Variants in USP20 observed in about 807,000 individuals in gnomAD.
USP20 encodes the protein ubiquitin carboxyl-terminal hydrolase 20.
In USP20, 80 loss-of-function variants were observed where a neutral mutation model predicts 124.2. The observed-to-expected ratio is 0.64, with a 90% CI of 0.54 to 0.78. The LOEUF is 0.78. USP20 is among the 30% of genes least tolerant of loss of function. USP20 has a pLI of 0.00. For missense variants in USP20, 1,043 were observed against 1,244.4 expected, an observed-to-expected ratio of 0.84 and a Z score of 2.44; for synonymous variants, 481 against 512.3, an observed-to-expected ratio of 0.94 and a Z score of 0.83.
At chr9:129,863,068 G>T in intron 8 of USP20, 118 bp from the exon 9 acceptor site, 1 of 647,968 alleles carries the variant, frequency 1.5e-6, no homozygotes, top group Non-Finnish European at 2.4e-6. Context: ...GAGTTTCTGG[G>T]TCCAGGGCCA....
chr9:129,856,422 C>A, intron 4 of USP20, 62 bp downstream of exon 4: 1 of 1,558,538 alleles, frequency 6.4e-7, no homozygotes, highest in Non-Finnish European at 8.9e-7. Context: ...CAGCACTGCA[C>A]AGGCTGGTGC....
intron 22 of USP20, among the ~76,000 whole-genome samples, chr9:129,877,111 C>T (rs887160331): frequency 2.6e-5 from 4 of 152,174 alleles, no homozygotes; most frequent in African/African-American, 9.7e-5. Context: ...GGCGAGGCTC[C>T]TGGCGCACTC....
rs745567691 is a variant in USP20, at chr9:129,879,557, G to A, written c.2513-16G>A. 1.7e-5 allele frequency: 27 copies of A among 1,612,632 alleles called. No homozygotes were observed. The highest frequency in any genetic ancestry group is 2.1e-5 in the Non-Finnish European group (25 of 1,179,592). ...CATGGCAGGGGCTGAACCCGAGCCC[G>A]CTGTGTCTGTTGCAGAGCCCCCCGG... On this transcript the variant is annotated splice_polypyrimidine_tract_variant and intron_variant, in intron 23 of 25. Transcript: ENST00000372429. The surrounding 1 kb of genome is among the most constrained non-coding windows in gnomAD (Gnocchi z 4.2).
At chr9:129,853,005 T>G (rs190688422) in intron 3 of USP20, among the ~76,000 whole-genome samples, 30 of 152,224 alleles carry the variant, frequency 2.0e-4, no homozygotes, top group Admixed American at 1.6e-3. Flanking sequence ...GGGCCTCTTC[T>G]CAGAGTAGGA....
At chr9:129,872,852 A>T (rs1399420695) in intron 15 of USP20, among the ~76,000 whole-genome samples, 1 of 152,024 alleles carries the variant, frequency 6.6e-6, no homozygotes, top group African/African-American at 2.4e-5. Flanking sequence ...ATCTCAAAAA[A>T]ATTGTTTCAA....
Position 129,839,066 on chromosome 9 carries a change from A to G in USP20, c.-129+3567A>G, listed in dbSNP as rs952746704. Among the ~76,000 whole-genome samples the G allele has an allele frequency of 1.3e-5, 2 of 152,158 alleles. No homozygotes were observed. Among genetic ancestry groups the G allele is most frequent in the Non-Finnish European group, 2.9e-5 (2 of 68,022 alleles). On this transcript the variant is annotated intron_variant, in intron 1 of 25. Coordinates refer to ENST00000372429, the MANE Select transcript of USP20 (RefSeq NM_001110303.4). The surrounding 1 kb of genome is among the most constrained non-coding windows in gnomAD (Gnocchi z 4.5). ...ATTTGGGGAGGTGAAGGTCGTCCCC[A>G]TGCCAGGCTGGCCGGGGCTGTTTGT...
intron 6 of USP20, among the ~76,000 whole-genome samples, chr9:129,860,450 ATT>A (rs33987015): frequency 1.3e-5 from 2 of 151,868 alleles, no homozygotes; most frequent in South Asian, 2.1e-4. Context: ...TAAATAAAAT[ATT>A]TTTTTTATTG....
chr9:129,864,556 G>A (rs1285633904), intron 9 of USP20, among the ~76,000 whole-genome samples: 1 of 151,148 alleles, frequency 6.6e-6, no homozygotes, highest in Admixed American at 6.6e-5. Context: ...CGGGTGGATC[G>A]CAAGGTCAGG....
intron 3 of USP20, 100 bp from the exon 4 acceptor site, chr9:129,856,207 G>A: frequency 8.2e-7 from 1 of 1,213,944 alleles, no homozygotes; most frequent in South Asian, 1.2e-5. Flanking sequence ...CTGAGTGCAT[G>A]TCAGCCAGGT....
intron 8 of USP20, among the ~76,000 whole-genome samples, chr9:129,862,442 A>G (rs546330346): frequency 1.3e-5 from 2 of 151,970 alleles, no homozygotes; most frequent in East Asian, 3.9e-4. Flanking sequence ...AGTCCCAGCT[A>G]CTGGGGAGGC....
chr9:129,874,160 G>C (rs964078708), intron 17 of USP20, among the ~76,000 whole-genome samples: 1 of 152,100 alleles, frequency 6.6e-6, no homozygotes, highest in Non-Finnish European at 1.5e-5. Context: ...GCTGGTGTCA[G>C]CGTCGTGGAT....
intron 17 of USP20, among the ~76,000 whole-genome samples, chr9:129,874,068 C>T (rs926853221): frequency 2.0e-4 from 31 of 152,144 alleles, no homozygotes; most frequent in African/African-American, 6.0e-4. Flanking sequence ...TGCAGAGTGG[C>T]GGGAGGAGAG....
chr9:129,850,516 C>T (rs1333764800), intron 2 of USP20, among the ~76,000 whole-genome samples: 2 of 152,142 alleles, frequency 1.3e-5, no homozygotes, highest in African/African-American at 2.4e-5. Flanking sequence ...TAGTAACTCA[C>T]GTTCTGAATG....
At chr9:129,843,323 T>C (rs181012256) in intron 1 of USP20, among the ~76,000 whole-genome samples, 53 of 152,066 alleles carry the variant, frequency 3.5e-4, no homozygotes, top group Admixed American at 1.2e-3. Context: ...CCAGCTACTC[T>C]AGAGGCTGAG....
At position 129,846,241 on chromosome 9, in the gene USP20, ATATATATTTTTTT is replaced by A. The variant is rs2032542526; in HGVS notation, c.-128-3570_-128-3558del. Among the ~76,000 whole-genome samples the A allele has an allele frequency of 4.2e-4, 11 of 26,504 alleles. No individual in the cohort carries two copies. In the South Asian group the frequency reaches 0.019, roughly 46 times the overall value. 17.4% of individuals were successfully genotyped at this position (26,504 alleles called of 152,430 possible). A position where few individuals can be genotyped will look rare whatever the true frequency, so the allele number is the denominator to read the frequency against. On this transcript the variant is annotated intron_variant, in intron 1 of 25. Transcript: ENST00000372429. ...ACTGCGCCCAGCCATATATATATAT[ATATATATTTTTTT>A]TTTTTTTTTTTTTTTTTTTGAGATA...
At position 129,880,479 on chromosome 9, in the gene USP20, C is replaced by T. The variant is rs1204038252; in HGVS notation, c.*29C>T. The stretch of plus-strand genomic sequence containing the variant: ...CGTGTCCCCACAGCCCCATGTGCCC[C>T]ACCCCGCGGAAGGCGTGTTTGTGCC... On this transcript the variant is annotated 3_prime_UTR_variant, in exon 26 of 26. Transcript: ENST00000372429. 3.0e-6 allele frequency: 2 copies of T among 671,792 alleles called. No individual in the cohort carries two copies. Among genetic ancestry groups the T allele is most frequent in the Non-Finnish European group, 4.9e-6 (2 of 411,242 alleles). The allele number at this position is 671,792 out of a possible 1,614,324, so 41.6% of individuals were successfully genotyped here. A position where few individuals can be genotyped will look rare whatever the true frequency, so the allele number is the denominator to read the frequency against.
At chr9:129,843,549 A>G (rs538604981) in intron 1 of USP20, among the ~76,000 whole-genome samples, 2 of 152,180 alleles carry the variant, frequency 1.3e-5, no homozygotes, top group East Asian at 3.9e-4. Flanking sequence ...AGCCTGACCA[A>G]TGTGGTGAAA....
Position 129,881,500 on chromosome 9 carries a change from C to T in USP20, c.*1050C>T, listed in dbSNP as rs1228917415. The T allele has an allele frequency of 6.6e-6, 1 of 152,234 alleles. No individual in the cohort carries two copies. Among genetic ancestry groups the T allele is most frequent in the Non-Finnish European group, 1.5e-5 (1 of 68,046 alleles). The allele number at this position is 152,234 out of a possible 1,614,324, so 9.4% of individuals were successfully genotyped here. ...AGACGGGGCGTGGGTGGGGAAGGGG[C>T]TCTGGGACCAGACCCCCCACACTAC... On this transcript the variant is annotated 3_prime_UTR_variant, in exon 26 of 26. Coordinates refer to ENST00000372429, the MANE Select transcript of USP20 (RefSeq NM_001110303.4).
In USP20 at chr9:129,868,220, G is replaced by A. The variant is rs769091046; in HGVS notation, c.906G>A (p.Gly302=). Residue 302 remains glycine, a synonymous_variant, in exon 11 of 26, where the codon GGG becomes GGA. Transcript: ENST00000372429. ...AGGGTGACGGGCAGGGGCGTGGCGG[G>A]GGCAGCTCGCAGGCCGAGACGGAGC... ...RGEGDGQGRG[G]GSSQAETELL... The A allele has an allele frequency of 2.1e-5, 34 of 1,613,810 alleles. No homozygotes were observed. Among genetic ancestry groups the A allele is most frequent in the Non-Finnish European group, 2.8e-5 (33 of 1,179,906 alleles).
Sources: gnomAD v4.1 joint callset for allele counts (sites outside exome capture counted in the v4.1 genomes callset) on GRCh38, gnomAD v4.1.1 for gene constraint, Gnocchi (gnomAD v3.1) non-coding constraint, MANE v1.5 for transcripts, NCBI Gene and HGNC (gene_info 2026-07-23, HGNC 2026-07-21) for gene names.